The following SLC12A8 variants were observed in gnomAD, a reference collection of about 807,000 sequenced individuals.
The protein encoded by SLC12A8 is cation-chloride cotransporter 9.
Under a neutral mutation model 75.6 loss-of-function variants are expected in SLC12A8, and 69 were observed. That is an observed-to-expected ratio of 0.91 (90% confidence interval 0.75 to 1.11). SLC12A8 has a LOEUF of 1.11. SLC12A8 is among the 50% of genes most tolerant of loss of function. The pLI is 0.00. For synonymous variants in SLC12A8, 365 were observed against 372.8 expected, an observed-to-expected ratio of 0.98 and a Z score of 0.24; for missense variants, 877 against 896.7, an observed-to-expected ratio of 0.98 and a Z score of 0.28.
intron 5 of SLC12A8, among the ~76,000 whole-genome samples, chr3:125,149,573 T>C (rs1231464598): frequency 6.6e-6 from 1 of 152,176 alleles, no homozygotes; most frequent in Non-Finnish European, 1.5e-5. Context: ...ATATTAAATG[T>C]GCAACTCACA....
At position 125,145,260 on chromosome 3, in the gene SLC12A8, T is replaced by G. The variant is rs563426216; in HGVS notation, c.623-9478A>C. 2.4e-4 allele frequency among the ~76,000 whole-genome samples: 37 copies of G among 152,334 alleles called. 1 individual carries two copies. In the South Asian group the frequency reaches 7.5e-3, roughly 31 times the overall value. ...TGCTGTTACTGGCTGGCTACTTGCC[T>G]GTTTTTTCCACTAGACTATGAGCCA... On this transcript the variant is annotated intron_variant, in intron 5 of 13. Coordinates refer to ENST00000469902, the MANE Select transcript of SLC12A8 (RefSeq NM_024628.6).
At chr3:125,142,111 G>C (rs917435128) in intron 5 of SLC12A8, among the ~76,000 whole-genome samples, 1 of 152,234 alleles carries the variant, frequency 6.6e-6, no homozygotes, top group African/African-American at 2.4e-5. Flanking sequence ...TACCTCGCCA[G>C]ACGCGGCCTC....
intron 6 of SLC12A8, among the ~76,000 whole-genome samples, chr3:125,130,606 GA>G (rs1560061780): frequency 5.4e-5 from 3 of 55,722 alleles, no homozygotes; most frequent in Non-Finnish European, 1.5e-4. Context: ...AAAAGAAAAA[GA>G]AAAAGAAAAA....
At chr3:125,185,359 T>TAAA (rs200494148) in intron 4 of SLC12A8, among the ~76,000 whole-genome samples, 4 of 127,122 alleles carry the variant, frequency 3.1e-5, no homozygotes, top group Admixed American at 7.6e-5. Flanking sequence ...ATTCCCAGAT[T>TAAA]AAAAAAAAAA....
rs1337871233 is a variant in SLC12A8, at chr3:125,187,331, C to T, written c.296G>A (p.Ser99Asn). 1.9e-6 allele frequency: 3 copies of T among 1,614,240 alleles called. No homozygotes were observed. The South Asian group carries it at 3.3e-5, about 18-fold the overall frequency. ...GTAGACGCCACCGCTGCCGATGCTG[C>T]TGCGCTCCCCGACGCCAATGCCAGA... Reference protein sequence around the residue: ...VLSGIGVGERSSIGSGGVYSM... With the variant: ...VLSGIGVGERNSIGSGGVYSM... The change falls in exon 4 of 14, where the codon AGC becomes AAC. Residue 99 changes from serine to asparagine, a missense_variant. Coordinates refer to ENST00000469902, the MANE Select transcript of SLC12A8 (RefSeq NM_024628.6).
chr3:125,179,704 T>TGAGA (rs5852445), intron 4 of SLC12A8, among the ~76,000 whole-genome samples: 2 of 150,266 alleles, frequency 1.3e-5, no homozygotes, highest in African/African-American at 2.5e-5. Context: ...CAATCATTTC[T>TGAGA]GAGAGAGAGA....
chr3:125,186,567 C>A (rs916230100), intron 4 of SLC12A8, among the ~76,000 whole-genome samples: 16 of 152,354 alleles, frequency 1.1e-4, no homozygotes, highest in Middle Eastern at 6.8e-3. Context: ...GAAATGCTGA[C>A]AAAGAACTGC....
intron 10 of SLC12A8, among the ~76,000 whole-genome samples, chr3:125,106,073 T>C (rs1939015153): frequency 6.6e-6 from 1 of 152,126 alleles, no homozygotes; most frequent in African/African-American, 2.4e-5. Flanking sequence ...ATACATTATT[T>C]AGTGACAGAT....
chr3:125,099,945 G>T (rs1938824606), intron 10 of SLC12A8, among the ~76,000 whole-genome samples: 1 of 151,986 alleles, frequency 6.6e-6, no homozygotes. Flanking sequence ...GAGAGAGAGA[G>T]AAATATAAAC....
intron 2 of SLC12A8, among the ~76,000 whole-genome samples, chr3:125,202,352 T>G (rs571501769): frequency 2.6e-4 from 40 of 152,324 alleles, no homozygotes; most frequent in African/African-American, 9.4e-4. Context: ...AAGCTAAAAC[T>G]CAGTTACTCT....
At chr3:125,167,897 G>C (rs1371882894) in intron 5 of SLC12A8, among the ~76,000 whole-genome samples, 2 of 152,262 alleles carry the variant, frequency 1.3e-5, no homozygotes, top group African/African-American at 4.8e-5. Context: ...GGGAAATTTA[G>C]GGATAGCCCA....
chr3:125,083,721 C>CAA lies in SLC12A8; in HGVS notation c.*167_*168dup, dbSNP rs200646050. On this transcript the variant is annotated 3_prime_UTR_variant, in exon 14 of 14. Transcript: ENST00000469902. ...TGGGTGACAGGGCGAGACTCTGTCTCAAAAAAAAAAAAAAAGGGAAAAGAA... is the reference window on the plus strand; with the variant it reads ...TGGGTGACAGGGCGAGACTCTGTCTCAAAAAAAAAAAAAAAAAGGGAAAAGAA... The CAA allele has an allele frequency of 3.2e-3, 1,815 of 560,564 alleles. No individual in the cohort carries two copies. Among genetic ancestry groups the CAA allele is most frequent in the South Asian group, 4.0e-3 (156 of 39,314 alleles). The allele number at this position is 560,564 out of a possible 1,614,324, so 34.7% of individuals were successfully genotyped here. A position where few individuals can be genotyped will look rare whatever the true frequency, so the allele number is the denominator to read the frequency against.
intron 10 of SLC12A8, among the ~76,000 whole-genome samples, chr3:125,097,260 G>A (rs898601088): frequency 6.6e-5 from 10 of 151,780 alleles, no homozygotes; most frequent in Admixed American, 1.3e-4. Flanking sequence ...ATGGTGGAAC[G>A]CACCTGTAAT....
At chr3:125,105,955 G>A (rs930143483) in intron 10 of SLC12A8, among the ~76,000 whole-genome samples, 15 of 152,178 alleles carry the variant, frequency 9.9e-5, no homozygotes, top group African/African-American at 2.2e-4. Context: ...GCTTGAACCC[G>A]GGAGGTGGAG....
chr3:125,132,859 C>T (rs979351700), intron 6 of SLC12A8, among the ~76,000 whole-genome samples: 11 of 152,168 alleles, frequency 7.2e-5, no homozygotes, highest in African/African-American at 2.7e-4. Flanking sequence ...ATTGGACAGG[C>T]AGGTGGAGGG....
intron 2 of SLC12A8, among the ~76,000 whole-genome samples, chr3:125,210,244 G>C (rs1206100525): frequency 6.6e-6 from 1 of 152,182 alleles, no homozygotes; most frequent in East Asian, 1.9e-4. Flanking sequence ...TTAAATACTT[G>C]GGTGAAGGTT....
intron 5 of SLC12A8, among the ~76,000 whole-genome samples, chr3:125,173,452 CAAAAAAAAA>C (rs61001520): frequency 2.5e-5 from 2 of 79,626 alleles, no homozygotes; most frequent in Non-Finnish European, 4.4e-5. Context: ...ATTCATGAGC[CAAAAAAAAA>C]AAAAAAAAAA....
Position 125,118,826 on chromosome 3 carries a change from G to A in SLC12A8, c.855C>T (p.Leu285=). 6.2e-7 allele frequency: 1 copy of A among 1,613,770 alleles called. No individual in the cohort carries two copies. Among genetic ancestry groups the A allele is most frequent in the Non-Finnish European group, 8.5e-7 (1 of 1,179,830 alleles). ...SWFLYIIFVF[L]LGAICTREAL... is the part of the protein sequence containing the mutation. The stretch of plus-strand genomic sequence containing the variant: ...CCTCTCGAGTGCAGATGGCGCCCAG[G>A]AGGAAGACGAAGATGATGTACAGAA... The change falls in exon 8 of 14, where the codon CTC becomes CTT. Residue 285 remains leucine (L), a synonymous_variant. Transcript: ENST00000469902.
intron 4 of SLC12A8, among the ~76,000 whole-genome samples, chr3:125,181,065 A>G (rs1934647264): frequency 6.6e-6 from 1 of 152,198 alleles, no homozygotes; most frequent in Non-Finnish European, 1.5e-5. Flanking sequence ...TTTAATTATG[A>G]CTTCTGAGGG....
Sources: gnomAD v4.1 joint callset for allele counts (sites outside exome capture counted in the v4.1 genomes callset) on GRCh38, gnomAD v4.1.1 for gene constraint, MANE v1.5 for transcripts, NCBI Gene and HGNC (gene_info 2026-07-23, HGNC 2026-07-21) for gene names.